SLC25A19: variants seen among roughly 807,000 people sequenced by gnomAD.
SLC25A19 encodes the protein solute carrier family 25 member 19.
In SLC25A19, 18 loss-of-function variants were observed where a neutral mutation model predicts 27.9. The ratio of observed to expected loss-of-function variants is 0.64; its 90% CI spans 0.45 to 0.96. The LOEUF (loss-of-function observed/expected upper bound fraction) is 0.96. Among genes scored for constraint, SLC25A19 ranks in the 40% least tolerant of loss-of-function variants. SLC25A19 has a pLI of 0.00. For missense variants in SLC25A19, 371 were observed against 418.3 expected (o/e 0.89, Z 0.99); for synonymous variants, 169 against 167.1 (o/e 1.01, Z -0.09).
intron 4 of SLC25A19, 92 bp from the exon 5 acceptor site, chr17:75,283,685 G>T: frequency 7.6e-7 from 1 of 1,309,060 alleles, no homozygotes; most frequent in Admixed American, 1.9e-5. Flanking sequence ...ACCCGGCTGG[G>T]GCCCAGGTGG....
chr17:75,276,534 A>AT (rs879613731), intron 7 of SLC25A19, among the ~76,000 whole-genome samples: 1 of 149,464 alleles, frequency 6.7e-6, no homozygotes, highest in Non-Finnish European at 1.5e-5. Context: ...TACCCAGCTA[A>AT]TTTTTATATT....
At chr17:75,275,742 G>A (rs1191976903) in intron 7 of SLC25A19, among the ~76,000 whole-genome samples, 3 of 152,106 alleles carry the variant, frequency 2.0e-5, no homozygotes, top group Non-Finnish European at 4.4e-5. Context: ...ATCAACTGAG[G>A]TCAGGAGTTC....
chr17:75,279,034 ATAAAG>A (rs2077971003), intron 5 of SLC25A19, among the ~76,000 whole-genome samples: 1 of 150,122 alleles, frequency 6.7e-6, no homozygotes, highest in African/African-American at 2.5e-5. Context: ...AATAATAAAA[ATAAAG>A]TAGAGAGGAG....
rs558804741 is a variant in SLC25A19 at position 75,276,481 on chromosome 17, T to C, written c.774+872A>G. On this transcript the variant is annotated intron_variant, in intron 7 of 7. Coordinates refer to ENST00000416858, the MANE Select transcript of SLC25A19 (RefSeq NM_001126121.2). ...CTCTCACGTTCAAGCGATTCTCCTG[T>C]TTCAGCCTCCCGAGTAGCTGGGACT... Among the ~76,000 whole-genome samples, 219 of 150,822 alleles carry C rather than the reference T, an allele frequency of 1.5e-3. 2 individuals carry two copies. Among genetic ancestry groups the C allele is most frequent in the Non-Finnish European group, 2.0e-3 (137 of 67,654 alleles).
intron 5 of SLC25A19, among the ~76,000 whole-genome samples, chr17:75,279,570 A>G (rs1428943390): frequency 2.1e-5 from 3 of 142,116 alleles, no homozygotes; most frequent in Non-Finnish European, 4.5e-5. Context: ...TTGCCTAGGC[A>G]CAATCTTGGC....
chr17:75,286,866 C>T, intron 2 of SLC25A19, 64 bp from the exon 3 acceptor site: 1 of 1,482,168 alleles, frequency 6.7e-7, no homozygotes. Flanking sequence ...TCAAATATCA[C>T]CTCCTCAGAG....
intron 5 of SLC25A19, among the ~76,000 whole-genome samples, chr17:75,280,313 G>A (rs1024932132): frequency 1.3e-5 from 2 of 151,680 alleles, no homozygotes; most frequent in Non-Finnish European, 2.9e-5. Context: ...GGAGGCTGCA[G>A]TGAGCTGTAA....
intron 5 of SLC25A19, among the ~76,000 whole-genome samples, chr17:75,282,278 C>T (rs1435496935): frequency 1.3e-5 from 2 of 152,082 alleles, no homozygotes; most frequent in African/African-American, 2.4e-5. Flanking sequence ...AGGCCAGGTG[C>T]GGTGGCTCAC....
intron 5 of SLC25A19, among the ~76,000 whole-genome samples, chr17:75,281,125 G>A (rs951284976): frequency 2.0e-5 from 3 of 152,060 alleles, no homozygotes; most frequent in East Asian, 3.9e-4. Context: ...CCAGGAGTTC[G>A]AAGCTGCAGC....
chr17:75,273,014 A>C lies in SLC25A19; in HGVS notation c.*437T>G, dbSNP rs73356384. The C allele has an allele frequency of 0.041, 13,424 of 326,742 alleles. 926 individuals carry two copies. The highest frequency in any genetic ancestry group is 0.16 in the African/African-American group (7,447 of 46,486). The allele number at this position is 326,742 out of a possible 1,614,324, so 20.2% of individuals were successfully genotyped here. On this transcript the variant is annotated 3_prime_UTR_variant, in exon 8 of 8. Transcript: ENST00000416858. ...GAATGTGTGTTTAGCTTTAATGTCT[A>C]TTAAATAGGTTGGAAAAACAGGCCA...
At chr17:75,274,312 G>A (rs1010823393) in intron 7 of SLC25A19, among the ~76,000 whole-genome samples, 3 of 152,004 alleles carry the variant, frequency 2.0e-5, no homozygotes, top group African/African-American at 7.3e-5. Flanking sequence ...TCTCAGCCGG[G>A]CCTCCCTGCC....
intron 7 of SLC25A19, 61 bp from the exon 8 acceptor site, chr17:75,273,700 T>C: frequency 6.9e-7 from 1 of 1,456,154 alleles, no homozygotes; most frequent in Non-Finnish European, 9.6e-7. Context: ...ACACAGCCCC[T>C]GGCACATCAC....
chr17:75,273,720 G>A, intron 7 of SLC25A19, 81 bp from the exon 8 acceptor site: 1 of 1,323,526 alleles, frequency 7.6e-7, no homozygotes, highest in Non-Finnish European at 1.1e-6. Flanking sequence ...CAGATCTTAA[G>A]AAGTACTTGC....
At chr17:75,278,513 A>G (rs939114491) in intron 5 of SLC25A19, among the ~76,000 whole-genome samples, 178 bp from the exon 6 acceptor site, 7 of 151,668 alleles carry the variant, frequency 4.6e-5, no homozygotes, top group Admixed American at 1.3e-4. Flanking sequence ...TTTTCCAGAA[A>G]CTCCCCCTTC....
chr17:75,280,412 G>A (rs1179088940), intron 5 of SLC25A19, among the ~76,000 whole-genome samples: 1 of 152,070 alleles, frequency 6.6e-6, no homozygotes, highest in Non-Finnish European at 1.5e-5. Context: ...ACTCATGCCT[G>A]TAATCCCAGC....
intron 5 of SLC25A19, among the ~76,000 whole-genome samples, chr17:75,282,832 C>T (rs1216118143): frequency 6.7e-6 from 1 of 150,274 alleles, no homozygotes; most frequent in African/African-American, 2.5e-5. Flanking sequence ...GCCCGGGCGA[C>T]AGAGTGAGAC....
rs777474053 is a variant in SLC25A19, at chr17:75,286,692, A to C, written c.73T>G (p.Ser25Ala). The change falls in exon 3 of 8, where the codon TCT becomes GCT. Residue 25 changes from serine (S) to alanine (A), a missense_variant. Transcript: ENST00000416858. ...KFQVAVAGSVSGLVTRALISP... is the reference protein window; with the variant it reads ...KFQVAVAGSVAGLVTRALISP... ...ATCAGCGCCCGAGTAACAAGTCCAG[A>C]CACAGACCCAGCCACTGCCACCTGG... 5.1e-5 allele frequency: 82 copies of C among 1,614,034 alleles called. No homozygotes were observed. The highest frequency in any genetic ancestry group is 4.9e-4 in the Middle Eastern group (3 of 6,084).
At chr17:75,274,753 G>A (rs369558223) in intron 7 of SLC25A19, among the ~76,000 whole-genome samples, 3 of 151,854 alleles carry the variant, frequency 2.0e-5, no homozygotes, top group Non-Finnish European at 4.4e-5. Context: ...ACCAGCCCAG[G>A]CAACAGAGCG....
In SLC25A19 at chr17:75,286,469, A is replaced by C; in HGVS notation, c.133-10T>G. 1 of 1,613,900 alleles carries C rather than the reference A, an allele frequency of 6.2e-7. No homozygotes were observed. Among genetic ancestry groups the C allele is most frequent in the Non-Finnish European group, 8.5e-7 (1 of 1,179,832 alleles). ...GGCGCTCATGCTGAAGCTAGGAATC[A>C]AAATAAAAAAGGTCAGGACAGTGGG... On this transcript the variant is annotated splice_polypyrimidine_tract_variant and intron_variant, in intron 3 of 7. Coordinates refer to ENST00000416858, the MANE Select transcript of SLC25A19 (RefSeq NM_001126121.2).
Sources: allele counts gnomAD v4.1 joint callset (sites outside exome capture counted in the v4.1 genomes callset), GRCh38; gene constraint gnomAD v4.1.1; transcripts MANE v1.5; gene names NCBI Gene and HGNC (gene_info 2026-07-23, HGNC 2026-07-21).